The following SEMA5A variants were observed in gnomAD, a reference collection of about 807,000 sequenced individuals.
The protein encoded by SEMA5A is semaphorin 5A.
Under a neutral mutation model 135.5 loss-of-function variants are expected in SEMA5A, and 55 were observed. That is an observed-to-expected ratio of 0.41 (90% CI 0.33 to 0.51). SEMA5A has a LOEUF of 0.51. Among genes scored for constraint, SEMA5A ranks in the 20% least tolerant of loss-of-function variants. The probability of loss-of-function intolerance (pLI) is 0.37; values close to 1 mark genes in which losing one functional copy is unlikely to be tolerated. For missense variants in SEMA5A, 1,290 were observed against 1,419.9 expected (o/e 0.91, Z 1.47); for synonymous variants, 580 against 546.5 (o/e 1.06, Z -0.85).
intron 16 of SEMA5A, among the ~76,000 whole-genome samples, chr5:9,096,467 T>C (rs937177596): frequency 6.6e-6 from 1 of 152,192 alleles, no homozygotes; most frequent in African/African-American, 2.4e-5. Flanking sequence ...CTTTGTTTGG[T>C]TTATTTTATT....
Position 9,165,080 on chromosome 5 carries a change from CA to C in SEMA5A, c.1274-10386del, listed in dbSNP as rs1460518911. ...TATTTACGTGAAAGTCCCTGTGTCTCACGTGTATAATGGCTTAAATGCTGAG... is the reference window on the plus strand; with the variant it reads ...TATTTACGTGAAAGTCCCTGTGTCTCCGTGTATAATGGCTTAAATGCTGAG... On this transcript the variant is annotated intron_variant, in intron 11 of 22. Coordinates refer to ENST00000382496, the MANE Select transcript of SEMA5A (RefSeq NM_003966.3). Among the ~76,000 whole-genome samples the C allele has an allele frequency of 2.6e-5, 4 of 152,248 alleles. No homozygotes were observed. In the South Asian group the frequency reaches 8.3e-4, roughly 32 times the overall value.
chr5:9,479,471 C>T (rs564867092), intron 1 of SEMA5A, among the ~76,000 whole-genome samples: 5 of 152,184 alleles, frequency 3.3e-5, no homozygotes, highest in Middle Eastern at 3.4e-3. Flanking sequence ...AAGCCTTGGA[C>T]GTGGGCTCTG....
intron 3 of SEMA5A, among the ~76,000 whole-genome samples, chr5:9,377,160 G>C (rs960085014): frequency 6.6e-6 from 1 of 150,664 alleles, no homozygotes; most frequent in African/African-American, 2.4e-5. Context: ...TAGAGAGTAG[G>C]CTCCAGCATA....
At chr5:9,444,622 G>A (rs1368460137) in intron 1 of SEMA5A, among the ~76,000 whole-genome samples, 1 of 151,984 alleles carries the variant, frequency 6.6e-6, no homozygotes, top group Non-Finnish European at 1.5e-5. Flanking sequence ...CCACATTTTT[G>A]CAATTGCGAA....
intron 16 of SEMA5A, among the ~76,000 whole-genome samples, chr5:9,098,824 T>C (rs1739468273): frequency 6.6e-6 from 1 of 152,250 alleles, no homozygotes; most frequent in South Asian, 2.1e-4. Context: ...TATTGAATAA[T>C]CTTTATCATG....
Position 9,122,636 on chromosome 5 carries a change from G to A in SEMA5A, c.1781+20C>T, listed in dbSNP as rs182387428. 4.5e-6 allele frequency: 7 copies of A among 1,549,376 alleles called. No homozygotes were observed. Among genetic ancestry groups the A allele is most frequent in the Non-Finnish European group, 6.1e-6 (7 of 1,141,778 alleles). On this transcript the variant is annotated intron_variant, in intron 14 of 22. Transcript: ENST00000382496. Reference sequence around the variant, plus strand: ...AGTTTAATACACAGCAGCACAACTGGCGTGTTCTGAGCGGCACACCTGGAA... The same window carrying A: ...AGTTTAATACACAGCAGCACAACTGACGTGTTCTGAGCGGCACACCTGGAA...
chr5:9,364,360 TA>T (rs1278659076), intron 3 of SEMA5A, among the ~76,000 whole-genome samples: 1 of 152,210 alleles, frequency 6.6e-6, no homozygotes, highest in Non-Finnish European at 1.5e-5. Context: ...GCCCTGAATG[TA>T]ATTCCTACTA....
intron 11 of SEMA5A, among the ~76,000 whole-genome samples, chr5:9,187,883 G>A (rs999543233): frequency 6.6e-6 from 1 of 152,208 alleles, no homozygotes; most frequent in African/African-American, 2.4e-5. Context: ...AACACGGTGT[G>A]GGGGTGAGGG....
At chr5:9,512,009 A>C (rs1344789018) in intron 1 of SEMA5A, 2 of 152,226 alleles carry the variant, frequency 1.3e-5, no homozygotes, top group African/African-American at 4.8e-5. Context: ...CCAGAGACAA[A>C]AGAAGAAAAG....
At chr5:9,168,566 C>T (rs997420992) in intron 11 of SEMA5A, among the ~76,000 whole-genome samples, 4 of 152,210 alleles carry the variant, frequency 2.6e-5, no homozygotes, top group Non-Finnish European at 5.9e-5. Flanking sequence ...GGCCTCCCTC[C>T]ATCTCAGAAG....
Position 9,044,421 on chromosome 5 carries a change from G to C in SEMA5A, c.3057C>G (p.Thr1019=). 1 of 1,613,870 alleles carries C rather than the reference G, an allele frequency of 6.2e-7. No homozygotes were observed. The highest frequency in any genetic ancestry group is 8.5e-7 in the Non-Finnish European group (1 of 1,179,978). ...VSPAPLNTSI[T]NHINKLDKYD... ...ACTTGTCCAGTTTGTTGATGTGGTTGGTTATGCTGGTATTAAGGGGGGCAG... is the reference window on the plus strand; with the variant it reads ...ACTTGTCCAGTTTGTTGATGTGGTTCGTTATGCTGGTATTAAGGGGGGCAG... Residue 1019 remains threonine, a synonymous_variant, in exon 22 of 23, where the codon ACC becomes ACG. Coordinates refer to ENST00000382496, the MANE Select transcript of SEMA5A (RefSeq NM_003966.3).
intron 3 of SEMA5A, among the ~76,000 whole-genome samples, chr5:9,369,471 T>C (rs1230362788): frequency 6.6e-6 from 1 of 152,178 alleles, no homozygotes; most frequent in African/African-American, 2.4e-5. Context: ...GTTTTTAAAT[T>C]TTTGCTCTTA....
chr5:9,192,760 G>C (rs1209382752), intron 10 of SEMA5A, among the ~76,000 whole-genome samples: 1 of 152,184 alleles, frequency 6.6e-6, no homozygotes, highest in Non-Finnish European at 1.5e-5. Flanking sequence ...GTTACGTGTG[G>C]TGGTTTACAT....
chr5:9,379,914 G>C lies in SEMA5A; in HGVS notation c.33C>G (p.Phe11Leu). 1 of 1,613,978 alleles carries C rather than the reference G, an allele frequency of 6.2e-7. No individual in the cohort carries two copies. The highest frequency in any genetic ancestry group is 1.1e-5 in the South Asian group (1 of 91,062). ...CGAGTCTCCACAGCCCCAGGCTTGA[G>C]AACAGCCATGCTATAACACAGGTTC... MKGTCVIAWLFSSLGLWRLAH... is the reference protein window; with the variant it reads MKGTCVIAWLLSSLGLWRLAH... The change falls in exon 3 of 23, where the codon TTC becomes TTG. Residue 11 changes from phenylalanine to leucine, a missense_variant. Coordinates refer to ENST00000382496, the MANE Select transcript of SEMA5A (RefSeq NM_003966.3).
chr5:9,356,217 G>T (rs1426713376), intron 3 of SEMA5A, among the ~76,000 whole-genome samples: 3 of 152,124 alleles, frequency 2.0e-5, no homozygotes, highest in Non-Finnish European at 4.4e-5. Flanking sequence ...ATGATTAGAT[G>T]GTTTACTAAC....
At chr5:9,052,542 C>T (rs1331478951) in intron 19 of SEMA5A, among the ~76,000 whole-genome samples, 1 of 152,174 alleles carries the variant, frequency 6.6e-6, no homozygotes, top group African/African-American at 2.4e-5. Flanking sequence ...TGAAGCTACA[C>T]AATTACTTTC....
chr5:9,066,596 C>G lies in SEMA5A; in HGVS notation c.2124G>C (p.Thr708=). ...TNPCPELKKT[T]PWTPWTPVNI... ...TGACAGGTGTCCAGGGTGTCCAGGG[C>G]GTGGTCTTCTTCAGCTCAGGACACG... is the stretch of plus-strand genomic sequence containing the variant. Residue 708 remains threonine, a synonymous_variant, in exon 17 of 23, where the codon ACG becomes ACC. Transcript: ENST00000382496. 6.2e-7 allele frequency: 1 copy of G among 1,614,148 alleles called. No homozygotes were observed. The highest frequency in any genetic ancestry group is 2.2e-5 in the East Asian group (1 of 44,884).
chr5:9,270,093 C>G (rs1484195895), intron 5 of SEMA5A, among the ~76,000 whole-genome samples: 1 of 152,150 alleles, frequency 6.6e-6, no homozygotes, highest in African/African-American at 2.4e-5. Context: ...TTCCAGGAGT[C>G]TGCAATTTTA....
intron 5 of SEMA5A, among the ~76,000 whole-genome samples, chr5:9,281,891 C>A (rs911731541): frequency 2.8e-5 from 4 of 145,066 alleles, no homozygotes; most frequent in Admixed American, 2.2e-4. Context: ...GTGGTGCAAT[C>A]TTGGCTCACT....
Sources: allele counts gnomAD v4.1 joint callset (sites outside exome capture counted in the v4.1 genomes callset), GRCh38; gene constraint gnomAD v4.1.1; transcripts MANE v1.5; gene names NCBI Gene and HGNC (gene_info 2026-07-23, HGNC 2026-07-21).